The following ASB17 variants were observed in gnomAD, a reference collection of about 807,000 sequenced individuals.
ASB17 encodes the protein ankyrin repeat and SOCS box containing 17.
ASB17 carries 26 observed loss-of-function variants against 25.7 expected under a neutral mutation model. The observed-to-expected ratio is 1.01, with a 90% CI of 0.74 to 1.40. The LOEUF is 1.40. Ranked by LOEUF, ASB17 falls within the 40% of genes most tolerant of loss-of-function variation. The pLI, the probability that ASB17 is intolerant of heterozygous loss-of-function variation, is 0.00. For synonymous variants in ASB17, 128 were observed against 121.4 expected (o/e 1.05, Z -0.36); for missense variants, 326 against 338.5 (o/e 0.96, Z 0.29).
At chr1:75,925,723 T>C (rs1371422094) in intron 1 of ASB17, among the ~76,000 whole-genome samples, 2 of 152,230 alleles carry the variant, frequency 1.3e-5, no homozygotes, top group Admixed American at 6.5e-5. Context: ...TGGGGCATAA[T>C]ATTTCCATAC....
chr1:75,929,508 C>T (rs1477772801), intron 1 of ASB17, among the ~76,000 whole-genome samples: 1 of 152,008 alleles, frequency 6.6e-6, no homozygotes, highest in Non-Finnish European at 1.5e-5. Flanking sequence ...CGTGAGCCAT[C>T]GTGCCCAGCT....
intron 1 of ASB17, among the ~76,000 whole-genome samples, chr1:75,927,194 A>C (rs1044344518): frequency 2.0e-5 from 3 of 152,178 alleles, no homozygotes; most frequent in Admixed American, 6.5e-5. Flanking sequence ...CACTGGACCT[A>C]CTAACAATTT....
chr1:75,926,396 C>G (rs749050754), intron 1 of ASB17, among the ~76,000 whole-genome samples: 1 of 152,118 alleles, frequency 6.6e-6, no homozygotes, highest in Non-Finnish European at 1.5e-5. Context: ...GACATTTGAA[C>G]AAAGACCAGA....
rs1285787889 is a variant in ASB17 at position 75,932,248 on chromosome 1, C to A, written c.44G>T (p.Arg15Ile). ...AAGGAGATTGCAGAATATATTGCTT[C>A]TTGGACAAGAAGTCTTACCACATAA... ...TKLCGKTSCP[R>I]SNIFCNLLDK... Residue 15 changes from arginine (R) to isoleucine (I), a missense_variant, in exon 1 of 3, where the codon AGA becomes ATA. Arg to Ile is a moderately conservative substitution (Grantham distance 97). Transcript: ENST00000284142. 6.2e-7 allele frequency: 1 copy of A among 1,613,010 alleles called. No individual in the cohort carries two copies. Among genetic ancestry groups the A allele is most frequent in the African/African-American group, 1.3e-5 (1 of 74,880 alleles).
rs1653039946 is a variant in ASB17, at chr1:75,922,074, T to C, written c.681+6A>G. The C allele has an allele frequency of 6.3e-7, 1 of 1,593,670 alleles. No individual in the cohort carries two copies. The highest frequency in any genetic ancestry group is 8.6e-7 in the Non-Finnish European group (1 of 1,167,910). ...GAGCCCATTTTTTTTAAAGTAGTTTTCTTACCTTTATTTCCTTGACTGAAA... is the reference window on the plus strand; with the variant it reads ...GAGCCCATTTTTTTTAAAGTAGTTTCCTTACCTTTATTTCCTTGACTGAAA... On this transcript the variant is annotated splice_donor_region_variant and intron_variant, in intron 2 of 2. Coordinates refer to ENST00000284142, the MANE Select transcript of ASB17 (RefSeq NM_080868.3).
rs762270167 is a variant in ASB17, at chr1:75,922,296, A to C, written c.465T>G (p.Ala155=). ...TGAAGATATTAGACTGTCTTGTCTG[A>C]GCTACATAAAAGAGAGGTGTGATGC... is the stretch of plus-strand genomic sequence containing the variant. The part of the protein sequence containing the change: ...LSGITPLFYV[A]QTRQSNIFKI... Residue 155 remains alanine, a synonymous_variant, in exon 2 of 3, where the codon GCT becomes GCG. Transcript: ENST00000284142. 6.2e-7 allele frequency: 1 copy of C among 1,613,310 alleles called. No homozygotes were observed. The highest frequency in any genetic ancestry group is 1.1e-5 in the South Asian group (1 of 91,058).
intron 1 of ASB17, 104 bp downstream of exon 1, chr1:75,931,787 T>G (rs1267818336): frequency 9.6e-7 from 1 of 1,036,930 alleles, no homozygotes; most frequent in Non-Finnish European, 1.3e-6. Context: ...AATTCCTTAC[T>G]TCACATATAG....
At chr1:75,924,542 A>G (rs573479307) in intron 1 of ASB17, among the ~76,000 whole-genome samples, 1 of 152,252 alleles carries the variant, frequency 6.6e-6, no homozygotes, top group African/African-American at 2.4e-5. Context: ...ATACACACAC[A>G]TACACATATA....
intron 2 of ASB17, among the ~76,000 whole-genome samples, chr1:75,920,104 G>A (rs1401644307): frequency 6.6e-6 from 1 of 152,158 alleles, no homozygotes; most frequent in African/African-American, 2.4e-5. Context: ...AACTGGTCTG[G>A]GGTTGGACAC....
intron 1 of ASB17, among the ~76,000 whole-genome samples, chr1:75,927,061 A>T (rs1653191985): frequency 6.6e-6 from 1 of 152,164 alleles, no homozygotes; most frequent in South Asian, 2.1e-4. Flanking sequence ...GTCAATGAAT[A>T]AGATATGATG....
chr1:75,932,287 C>T lies in ASB17; in HGVS notation c.5G>A (p.Ser2Asn), dbSNP rs3795251. ...CTTACCACATAATTTAGTAGATTTACTCATTGTTACTTATAGCAGCACTGT... is the reference window on the plus strand; with the variant it reads ...CTTACCACATAATTTAGTAGATTTATTCATTGTTACTTATAGCAGCACTGT... Reference protein sequence around the residue: MSKSTKLCGKTS... With the variant: MNKSTKLCGKTS... The change falls in exon 1 of 3, where the codon AGT (serine) becomes AAT (asparagine). Residue 2 changes from serine (S) to asparagine (N), a missense_variant. Physicochemically the swap from Ser to Asn is conservative, Grantham distance 46 (BLOSUM62 1). Transcript: ENST00000284142. 597,692 of 1,598,788 alleles carry T rather than the reference C, an allele frequency of 0.37. 116,968 individuals carry two copies. The highest frequency in any genetic ancestry group is 0.67 in the East Asian group (30,130 of 44,744).
rs756281376 is a variant in ASB17, at chr1:75,922,213, A to C, written c.548T>G (p.Leu183Ter). 2.3e-5 allele frequency: 37 copies of C among 1,613,804 alleles called. No individual in the cohort carries two copies. Among genetic ancestry groups the C allele is most frequent in the Non-Finnish European group, 3.1e-5 (36 of 1,179,892 alleles). Reference protein sequence around the residue: ...EREKNPINIVLTIVLYPSRVR... With the variant: ...EREKNPINIV ...TCTCGAAGGGTAGAGTACTATTGTT[A>C]AGACAATGTTGATAGGGTTTTTTTC... is the stretch of plus-strand genomic sequence containing the variant. Residue 183 changes from leucine (L) to a stop codon, truncating the protein, a stop_gained, in exon 2 of 3, where the codon TTA becomes TGA. Coordinates refer to ENST00000284142, the MANE Select transcript of ASB17 (RefSeq NM_080868.3). LOFTEE classifies it high-confidence loss of function.
At chr1:75,920,405 T>C (rs1652995643) in intron 2 of ASB17, among the ~76,000 whole-genome samples, 1 of 152,242 alleles carries the variant, frequency 6.6e-6, no homozygotes, top group Admixed American at 6.5e-5. Flanking sequence ...TATTCAATTA[T>C]TTAACTATTA....
In ASB17 at chr1:75,932,334, C is replaced by G; in HGVS notation, c.-43G>C. On this transcript the variant is annotated 5_prime_UTR_variant, in exon 1 of 3. An upstream start codon of the reference 5' UTR is lost. Transcript: ENST00000284142. The stretch of plus-strand genomic sequence containing the variant: ...CTGTAGAAATAAAATCAGAGGTAAG[C>G]ATACTGTAATCCTCCAGTTACATAT... The G allele has an allele frequency of 6.6e-7, 1 of 1,510,144 alleles. No individual in the cohort carries two copies. Among genetic ancestry groups the G allele is most frequent in the Non-Finnish European group, 8.9e-7 (1 of 1,118,914 alleles). The allele number at this position is 1,510,144 out of a possible 1,614,324, so 93.5% of individuals were successfully genotyped here.
intron 2 of ASB17, among the ~76,000 whole-genome samples, chr1:75,921,523 C>T: frequency 6.6e-6 from 1 of 152,138 alleles, no homozygotes; most frequent in East Asian, 1.9e-4. Flanking sequence ...ACCCTGTATG[C>T]TGTTAATTGT....
At chr1:75,919,362 T>C (rs907393199) in intron 2 of ASB17, among the ~76,000 whole-genome samples, 1 of 152,158 alleles carries the variant, frequency 6.6e-6, no homozygotes, top group Non-Finnish European at 1.5e-5. Flanking sequence ...ATAATCTATA[T>C]GTCTAAGGAC....
At chr1:75,920,132 A>C (rs1243266776) in intron 2 of ASB17, among the ~76,000 whole-genome samples, 1 of 152,194 alleles carries the variant, frequency 6.6e-6, no homozygotes, top group Non-Finnish European at 1.5e-5. Context: ...CTAAGTCCTA[A>C]AAGTTTCCCA....
intron 1 of ASB17, 129 bp from the exon 2 acceptor site, chr1:75,922,488 CTTTTTTTTTTTTTT>C (rs3037164): frequency 1.7e-5 from 2 of 118,468 alleles, no homozygotes; most frequent in Non-Finnish European, 1.3e-5. Flanking sequence ...TTATATGTTT[CTTTTTTTTTTTTTT>C]TTTTTTTTTT....
intron 1 of ASB17, among the ~76,000 whole-genome samples, chr1:75,923,402 A>G (rs1009267816): frequency 2.6e-5 from 4 of 152,114 alleles, no homozygotes; most frequent in African/African-American, 9.7e-5. Flanking sequence ...TTTAAATGGT[A>G]TATACTTCTT....
Sources: allele counts gnomAD v4.1 joint callset (sites outside exome capture counted in the v4.1 genomes callset), GRCh38; gene constraint gnomAD v4.1.1; transcripts MANE v1.5; gene names NCBI Gene and HGNC (gene_info 2026-07-23, HGNC 2026-07-21).